The following GIT2 variants were observed in gnomAD, a reference collection of about 807,000 sequenced individuals.
GIT2 encodes GIT ArfGAP 2.
GIT2 carries 32 observed loss-of-function variants against 100.3 expected under a neutral mutation model. The ratio of observed to expected loss-of-function variants is 0.32; its 90% confidence interval spans 0.24 to 0.43. The LOEUF (loss-of-function observed/expected upper bound fraction) is 0.43. GIT2 is among the 20% of genes least tolerant of loss of function. The pLI is 1.00. For missense variants in GIT2, 737 were observed against 975.1 expected (o/e 0.76, Z 3.25); for synonymous variants, 353 against 364.1 (o/e 0.97, Z 0.35).
chr12:109,952,864 T>C (rs1878300579), intron 13 of GIT2: 8 of 581,746 alleles, frequency 1.4e-5, no homozygotes, highest in South Asian at 4.1e-5. Flanking sequence ...TAAACACTTG[T>C]TGAATGAATA....
At chr12:109,974,353 C>T (rs1884584829) in intron 7 of GIT2, among the ~76,000 whole-genome samples, 1 of 151,904 alleles carries the variant, frequency 6.6e-6, no homozygotes, top group Non-Finnish European at 1.5e-5. Flanking sequence ...ATGGTGAAAC[C>T]CCATCTCTAC....
chr12:109,996,151 G>T, intron 1 of GIT2, 22 bp downstream of exon 1: 1 of 1,472,052 alleles, frequency 6.8e-7, no homozygotes, highest in Non-Finnish European at 9.1e-7. Flanking sequence ...AGAGGGGAGC[G>T]GGCCCGGCCG....
rs987409745 is a variant in GIT2, at chr12:109,991,169, G to C, written c.186+458C>G. On this transcript the variant is annotated intron_variant, in intron 2 of 19. Coordinates refer to ENST00000355312, the MANE Select transcript of GIT2 (RefSeq NM_057169.5). ...TACTAAAAATACAAAAATTAGCCGG[G>C]CATGATGGCGGGTGCCTGTAATCCC... Among the ~76,000 whole-genome samples, 135 of 152,158 alleles carry C rather than the reference G, an allele frequency of 8.9e-4. 1 individual carries two copies. Among genetic ancestry groups the C allele is most frequent in the Non-Finnish European group, 3.7e-4 (25 of 68,042 alleles).
intron 18 of GIT2, 102 bp downstream of exon 18, chr12:109,938,278 A>G: frequency 1.3e-6 from 1 of 786,700 alleles, no homozygotes; most frequent in African/African-American, 1.7e-5. Context: ...ATGACCTTGA[A>G]GTCAGCATGC....
chr12:109,939,448 T>C (rs1184787368), intron 16 of GIT2: 8 of 454,032 alleles, frequency 1.8e-5, no homozygotes, highest in Non-Finnish European at 3.3e-5. Context: ...TGCACCATTT[T>C]CTTCTTAGCT....
Position 109,951,304 on chromosome 12 carries a change from C to T in GIT2, c.1255G>A (p.Asp419Asn), listed in dbSNP as rs1209580645. Residue 419 changes from aspartate to asparagine, a missense_variant, in exon 14 of 20, where the codon GAT becomes AAT. Transcript: ENST00000355312. The part of the protein sequence containing the change: ...KTNRQKSLDS[D>N]LSDGPVTVQE... ...ACAGTGACTGGTCCATCTGATAAATCTGAATCTAGGCTCTAAAAATAAATT... is the reference window on the plus strand; with the variant it reads ...ACAGTGACTGGTCCATCTGATAAATTTGAATCTAGGCTCTAAAAATAAATT... The T allele has an allele frequency of 6.2e-7, 1 of 1,611,372 alleles. No individual in the cohort carries two copies. The highest frequency in any genetic ancestry group is 1.3e-5 in the African/African-American group (1 of 74,860).
In GIT2 at chr12:109,934,056, A is replaced by AC; in HGVS notation, c.2032dup (p.Val678GlyfsTer17). On this transcript the variant is annotated frameshift_variant, in exon 19 of 20. Coordinates refer to ENST00000355312, the MANE Select transcript of GIT2 (RefSeq NM_057169.5). LOFTEE classifies it high-confidence loss of function. The surrounding 1 kb of genome is among the most constrained non-coding windows in gnomAD (Gnocchi z 4.5). ...TAATGCTGCCATTTCTGTAACAGCT[A>AC]CGTGTATCCTCTCTGAGCAGGGAAT... 6.3e-7 allele frequency: 1 copy of AC among 1,575,478 alleles called. No individual in the cohort carries two copies. The highest frequency in any genetic ancestry group is 8.7e-7 in the Non-Finnish European group (1 of 1,144,860).
chr12:109,961,323 G>T lies in GIT2; in HGVS notation c.942C>A (p.Val314=). The T allele has an allele frequency of 1.2e-6, 2 of 1,613,672 alleles. No homozygotes were observed. Among genetic ancestry groups the T allele is most frequent in the African/African-American group, 1.3e-5 (1 of 75,016 alleles). ...ACTCAGGATTGACCGGAAGAAAGGG[G>T]ACGACCGTTGTCTCGGTTACCAGGG... The part of the protein sequence containing the change: ...HSALVTETTV[V]PFLPVNPEYS... The change falls in exon 11 of 20, where the codon GTC becomes GTA. Residue 314 remains valine, a synonymous_variant. Transcript: ENST00000355312.
intron 7 of GIT2, 113 bp downstream of exon 7, chr12:109,980,839 G>T: frequency 1.4e-6 from 1 of 724,426 alleles, no homozygotes. Context: ...CATATGTATA[G>T]CTTTCTCAGT....
chr12:109,933,092 G>A lies in GIT2; in HGVS notation c.2166C>T (p.Pro722=), dbSNP rs149426484. The change falls in exon 20 of 20, where the codon CCC becomes CCT. Residue 722 remains proline, a synonymous_variant. Transcript: ENST00000355312. This position sits in a 1 kb window ranked among gnomAD's most constrained non-coding sequence, Gnocchi z 4.5. Reference sequence around the variant, plus strand: ...CCAGCTGAACGTCTGTGGGTGAGCCGGGGTCCCCTGGGAGGGTCTTCTTGC... The same window carrying A: ...CCAGCTGAACGTCTGTGGGTGAGCCAGGGTCCCCTGGGAGGGTCTTCTTGC... ...SECKKTLPGD[P]GSPTDVQLVT... is the part of the protein sequence containing the mutation. The A allele has an allele frequency of 5.9e-5, 95 of 1,612,648 alleles. No individual in the cohort carries two copies. The highest frequency in any genetic ancestry group is 7.2e-5 in the Non-Finnish European group (85 of 1,178,868).
In GIT2 at chr12:109,948,734, A is replaced by G; in HGVS notation, c.1393-1230T>C. ...GAAGATCATTACTTTTTCAGTAGCAAACCCATTCAATGTTAGGAGTTACTT... is the reference window on the plus strand; with the variant it reads ...GAAGATCATTACTTTTTCAGTAGCAGACCCATTCAATGTTAGGAGTTACTT... On this transcript the variant is annotated intron_variant, in intron 14 of 19. Transcript: ENST00000355312. The surrounding 1 kb of genome is among the most constrained non-coding windows in gnomAD (Gnocchi z 4.3). 1 of 1,535,816 alleles carries G rather than the reference A, an allele frequency of 6.5e-7. No homozygotes were observed. The highest frequency in any genetic ancestry group is 8.7e-7 in the Non-Finnish European group (1 of 1,146,022).
intron 7 of GIT2, among the ~76,000 whole-genome samples, chr12:109,972,917 G>C (rs1884243024): frequency 6.6e-6 from 1 of 151,964 alleles, no homozygotes; most frequent in Non-Finnish European, 1.5e-5. Flanking sequence ...TGACCTCCTG[G>C]GCTCAAGCAA....
At chr12:109,996,913 C>A (rs1343540718), upstream of GIT2, among the ~76,000 whole-genome samples, 1 of 151,746 alleles carries the variant, frequency 6.6e-6, no homozygotes, top group Non-Finnish European at 1.5e-5. Flanking sequence ...CCCATCTCTA[C>A]TAAAAATACA....
At chr12:109,967,526 G>A (rs2136491845) in intron 7 of GIT2, 23 bp from the exon 8 acceptor site, 1 of 1,535,878 alleles carries the variant, frequency 6.5e-7, no homozygotes, top group Non-Finnish European at 9.0e-7. Context: ...CCAAGTCAAA[G>A]TTTTGTTCAT....
At chr12:109,952,857 A>G in intron 13 of GIT2, 1 of 576,112 alleles carries the variant, frequency 1.7e-6, no homozygotes, top group Non-Finnish European at 3.1e-6. Context: ...CACTCAGTAA[A>G]CACTTGTTGA....
chr12:109,998,239 C>G (rs2082460251), upstream of GIT2: 1 of 152,234 alleles, frequency 6.6e-6, no homozygotes, highest in South Asian at 2.1e-4. Context: ...CCCACGCATT[C>G]CATGGTTAGA....
At chr12:109,935,562 C>T (rs926572962) in intron 18 of GIT2, among the ~76,000 whole-genome samples, 37 of 152,198 alleles carry the variant, frequency 2.4e-4, no homozygotes, top group African/African-American at 8.4e-4. Context: ...CCACCACACC[C>T]GGCTAATTTT....
At chr12:109,981,653 T>C (rs1197619944) in intron 6 of GIT2, 2 of 152,506 alleles carry the variant, frequency 1.3e-5, no homozygotes, top group Non-Finnish European at 2.9e-5. Context: ...ACAGAAAATA[T>C]TAAGTTTACC....
chr12:109,955,933 C>CTT (rs555382794), intron 12 of GIT2, among the ~76,000 whole-genome samples: 23 of 138,990 alleles, frequency 1.7e-4, no homozygotes, highest in South Asian at 9.1e-4. Context: ...CAGGTGTGCA[C>CTT]TTTTTTTTTT....
Sources: allele counts gnomAD v4.1 joint callset (sites outside exome capture counted in the v4.1 genomes callset), GRCh38; gene constraint gnomAD v4.1.1; non-coding constraint Gnocchi (gnomAD v3.1); transcripts MANE v1.5; gene names NCBI Gene and HGNC (gene_info 2026-07-23, HGNC 2026-07-21).